The following RAPGEF1 variants were observed in gnomAD, a reference collection of about 807,000 sequenced individuals.
RAPGEF1 encodes the protein CRK SH3-binding GNRP.
Under a neutral mutation model 143.3 loss-of-function variants are expected in RAPGEF1, and 33 were observed. The ratio of observed to expected loss-of-function variants is 0.23; its 90% confidence interval spans 0.17 to 0.31. The LOEUF (loss-of-function observed/expected upper bound fraction) is 0.31. Ranked by LOEUF, RAPGEF1 falls within the 10% of genes least tolerant of loss-of-function variation. The probability of loss-of-function intolerance (pLI) is 1.00; values close to 1 mark genes in which losing one functional copy is unlikely to be tolerated. For synonymous variants in RAPGEF1, 629 were observed against 676.5 expected, an observed-to-expected ratio of 0.93 and a Z score of 1.09; for missense variants, 1,199 against 1,645.4, an observed-to-expected ratio of 0.73 and a Z score of 4.69.
At chr9:131,629,328 T>G (rs1964214357) in intron 6 of RAPGEF1, 74 bp from the exon 7 acceptor site, 1 of 1,441,524 alleles carries the variant, frequency 6.9e-7, no homozygotes, top group African/African-American at 1.4e-5. Context: ...CCTGAGAGGG[T>G]GAGGACGTGA....
At chr9:131,633,185 G>C (rs1208694018) in intron 5 of RAPGEF1, among the ~76,000 whole-genome samples, 1 of 152,212 alleles carries the variant, frequency 6.6e-6, no homozygotes, top group Non-Finnish European at 1.5e-5. Flanking sequence ...ATATTTAAGG[G>C]ACAGCCATCT....
chr9:131,718,250 T>C (rs557286505), intron 1 of RAPGEF1, among the ~76,000 whole-genome samples: 1 of 152,302 alleles, frequency 6.6e-6, no homozygotes, highest in African/African-American at 2.4e-5. Flanking sequence ...CCAGTGTGGC[T>C]GGGACACAGT....
chr9:131,727,946 A>C (rs950724998), intron 1 of RAPGEF1, among the ~76,000 whole-genome samples: 1 of 152,218 alleles, frequency 6.6e-6, no homozygotes, highest in African/African-American at 2.4e-5. Context: ...TAGTGTGGTT[A>C]TGCTAATTGA....
At chr9:131,646,782 A>G (rs1969760978) in intron 3 of RAPGEF1, among the ~76,000 whole-genome samples, 1 of 152,118 alleles carries the variant, frequency 6.6e-6, no homozygotes, top group Non-Finnish European at 1.5e-5. Flanking sequence ...AAAAACTAGA[A>G]TTGCAGGATT....
chr9:131,636,974 C>T (rs558555394), intron 5 of RAPGEF1, among the ~76,000 whole-genome samples: 9 of 152,174 alleles, frequency 5.9e-5, no homozygotes, highest in Non-Finnish European at 1.3e-4. Flanking sequence ...ACCTGTAATC[C>T]CAACATTTTG....
At chr9:131,623,169 A>G (rs1961749822) in intron 10 of RAPGEF1, among the ~76,000 whole-genome samples, 1 of 152,098 alleles carries the variant, frequency 6.6e-6, no homozygotes, top group African/African-American at 2.4e-5. Context: ...TGCTCCCTAA[A>G]AAGACTAAAT....
intron 12 of RAPGEF1, among the ~76,000 whole-genome samples, chr9:131,613,825 G>A (rs1474379500): frequency 6.6e-6 from 1 of 152,168 alleles, no homozygotes; most frequent in Non-Finnish European, 1.5e-5. Context: ...GCCCCTAAGG[G>A]TATGGACTGG....
At chr9:131,728,008 C>A (rs1293125225) in intron 1 of RAPGEF1, among the ~76,000 whole-genome samples, 3 of 152,194 alleles carry the variant, frequency 2.0e-5, no homozygotes, top group Non-Finnish European at 2.9e-5. Flanking sequence ...AAAGGGTTGA[C>A]TGGGCTTTGG....
rs1397802804 is a variant in RAPGEF1, at chr9:131,740,045, C to T, written c.-215G>A. The T allele has an allele frequency of 6.8e-6, 1 of 146,464 alleles. No homozygotes were observed. The highest frequency in any genetic ancestry group is 1.5e-5 in the Non-Finnish European group (1 of 66,330). The allele number at this position is 146,464 out of a possible 1,614,324, so 9.1% of individuals were successfully genotyped here. ...CCTCCCGCGCGCCCGCCGCCGCTCC[C>T]CCGGCCCGCGAGCCGGCCGCAGCGC... On this transcript the variant is annotated 5_prime_UTR_variant, in exon 1 of 27. Transcript: ENST00000683357. This position sits in a 1 kb window ranked among gnomAD's most constrained non-coding sequence, Gnocchi z 4.5.
intron 1 of RAPGEF1, among the ~76,000 whole-genome samples, chr9:131,686,160 C>T (rs1340122428): frequency 2.0e-5 from 3 of 152,196 alleles, no homozygotes; most frequent in African/African-American, 4.8e-5. Context: ...GGGCAACATA[C>T]GAAACAATGG....
rs1418976081 is a variant in RAPGEF1 at position 131,578,874 on chromosome 9, C to G, written c.*623G>C. On this transcript the variant is annotated 3_prime_UTR_variant, in exon 27 of 27. Coordinates refer to ENST00000683357, the MANE Select transcript of RAPGEF1 (RefSeq NM_001377935.1). The stretch of plus-strand genomic sequence containing the variant: ...GGCGCCAGTACCGCGGGGCAGAGCA[C>G]CAGCTGCGGGGCTGCTAAGGCGTCA... 1 of 152,514 alleles carries G rather than the reference C, an allele frequency of 6.6e-6. No individual in the cohort carries two copies. The allele number at this position is 152,514 out of a possible 1,614,324, so 9.4% of individuals were successfully genotyped here. A position where few individuals can be genotyped will look rare whatever the true frequency, so the allele number is the denominator to read the frequency against.
chr9:131,669,551 C>T (rs923806446), intron 1 of RAPGEF1, among the ~76,000 whole-genome samples: 11 of 152,166 alleles, frequency 7.2e-5, no homozygotes, highest in African/African-American at 2.4e-4. Flanking sequence ...CCCAGGCCCC[C>T]CTGCCCCTGA....
intron 1 of RAPGEF1, among the ~76,000 whole-genome samples, chr9:131,664,473 G>A (rs1830107636): frequency 6.6e-6 from 1 of 152,090 alleles, no homozygotes; most frequent in African/African-American, 2.4e-5. Flanking sequence ...TAAATCATAA[G>A]TTAATACTGT....
intron 20 of RAPGEF1, among the ~76,000 whole-genome samples, chr9:131,588,327 G>A (rs1322419254): frequency 2.0e-5 from 3 of 152,288 alleles, no homozygotes; most frequent in East Asian, 3.9e-4. Context: ...AAGAAGGCTC[G>A]CTCACGGCTG....
At chr9:131,604,885 GGTGTGT>G (rs58627149) in intron 13 of RAPGEF1, 40 bp downstream of exon 13, 336 of 1,191,382 alleles carry the variant, frequency 2.8e-4, no homozygotes, top group South Asian at 1.0e-3. Context: ...CATGTGCAGG[GGTGTGT>G]GTGTGTGTGT....
intron 1 of RAPGEF1, among the ~76,000 whole-genome samples, chr9:131,681,402 C>G (rs1200272253): frequency 6.6e-6 from 1 of 152,136 alleles, no homozygotes; most frequent in Non-Finnish European, 1.5e-5. Context: ...AATACACCCC[C>G]AGATCAACAG....
At position 131,582,650 on chromosome 9, in the gene RAPGEF1, T is replaced by G. The variant is rs1588152185; in HGVS notation, c.3467A>C (p.Tyr1156Ser). ...TTCCACCTCCGAGAGGGCGGCCCGG[T>G]AGGCTCGGAAGGAGGACGAGCTGTC... Reference protein sequence around the residue: ...LIDSSSSFRAYRAALSEVEPP... With the variant: ...LIDSSSSFRASRAALSEVEPP... Residue 1156 changes from tyrosine to serine, a missense_variant, in exon 25 of 27, where the codon TAC becomes TCC. Physicochemically the swap from Tyr to Ser is moderately radical, Grantham distance 144. Transcript: ENST00000683357. 6.5e-7 allele frequency: 1 copy of G among 1,527,640 alleles called. No individual in the cohort carries two copies. The highest frequency in any genetic ancestry group is 8.7e-7 in the Non-Finnish European group (1 of 1,146,482). 94.6% of individuals were successfully genotyped at this position (1,527,640 alleles called of 1,614,324 possible).
intron 14 of RAPGEF1, 106 bp downstream of exon 14, chr9:131,603,855 G>A: frequency 1.7e-6 from 1 of 595,374 alleles, no homozygotes; most frequent in Non-Finnish European, 2.5e-6. Context: ...GACTAGGAGG[G>A]GGCTCAGCCC....
intron 25 of RAPGEF1, 76 bp from the exon 26 acceptor site, chr9:131,580,467 G>A (rs1009686343): frequency 1.0e-5 from 15 of 1,504,684 alleles, no homozygotes; most frequent in Non-Finnish European, 1.1e-5. Context: ...TGTGTCAGGC[G>A]CTAGGACTCG....
Sources: gnomAD v4.1 joint callset for allele counts (sites outside exome capture counted in the v4.1 genomes callset) on GRCh38, gnomAD v4.1.1 for gene constraint, Gnocchi (gnomAD v3.1) non-coding constraint, MANE v1.5 for transcripts, NCBI Gene and HGNC (gene_info 2026-07-23, HGNC 2026-07-21) for gene names.